CTNNA2: variants seen among roughly 807,000 people sequenced by gnomAD.
CTNNA2 encodes the protein catenin alpha 2, also known as catenin alpha-2.
CTNNA2 carries 42 observed loss-of-function variants against 101.0 expected under a neutral mutation model. The observed-to-expected ratio is 0.42, with a 90% confidence interval of 0.32 to 0.54. CTNNA2 has a LOEUF of 0.54. Ranked by LOEUF, CTNNA2 falls within the 20% of genes least tolerant of loss-of-function variation. The pLI, the probability that CTNNA2 is intolerant of heterozygous loss-of-function variation, is 0.14. For synonymous variants in CTNNA2, 450 were observed against 456.4 expected (o/e 0.99, Z 0.18); for missense variants, 871 against 1,223.1 (o/e 0.71, Z 4.29).
chr2:80,359,353 T>G (rs998837998), intron 7 of CTNNA2, among the ~76,000 whole-genome samples: 6 of 152,240 alleles, frequency 3.9e-5, no homozygotes, highest in Admixed American at 3.9e-4. Context: ...TCTACATTTA[T>G]GCCGATGATA....
intron 2 of CTNNA2, among the ~76,000 whole-genome samples, chr2:79,297,012 C>T (rs1368749129): frequency 6.6e-6 from 1 of 152,104 alleles, no homozygotes; most frequent in Non-Finnish European, 1.5e-5. Flanking sequence ...TCCTTTATTT[C>T]ATATCATTCA....
chr2:79,310,984 T>G, intron 2 of CTNNA2, among the ~76,000 whole-genome samples: 1 of 152,308 alleles, frequency 6.6e-6, no homozygotes, highest in Non-Finnish European at 1.5e-5. Flanking sequence ...ATCCTAAATT[T>G]TCATACTTGT....
intron 4 of CTNNA2, chr2:79,499,283 T>C (rs983966196): frequency 3.4e-4 from 52 of 151,932 alleles, no homozygotes; most frequent in African/African-American, 1.1e-3. Context: ...TCTTAAACAA[T>C]AAGAAAAAAA....
At chr2:80,299,558 C>T (rs1224775429) in intron 7 of CTNNA2, 8 of 152,196 alleles carry the variant, frequency 5.3e-5, no homozygotes, top group Non-Finnish European at 7.3e-5. Context: ...ATTGCAGATT[C>T]CTCTTTCCAA....
intron 9 of CTNNA2, among the ~76,000 whole-genome samples, chr2:80,447,312 A>G (rs968034376): frequency 6.6e-6 from 1 of 152,166 alleles, no homozygotes; most frequent in Non-Finnish European, 1.5e-5. Context: ...TAATGGGCGT[A>G]CATTTGGTCC....
chr2:79,739,599 C>A (rs540504621), intron 2 of CTNNA2, among the ~76,000 whole-genome samples: 3 of 152,174 alleles, frequency 2.0e-5, no homozygotes, highest in Non-Finnish European at 2.9e-5. Context: ...AGTTTTGTTA[C>A]ATGGATATAT....
At chr2:79,686,470 A>G (rs932728182) in intron 2 of CTNNA2, among the ~76,000 whole-genome samples, 13 of 152,272 alleles carry the variant, frequency 8.5e-5, no homozygotes, top group Admixed American at 6.5e-4. Context: ...AAAATACTTC[A>G]TTTAGTTAAT....
chr2:79,236,534 A>G (rs1674559730), intron 2 of CTNNA2, among the ~76,000 whole-genome samples: 1 of 152,192 alleles, frequency 6.6e-6, no homozygotes, highest in Admixed American at 6.5e-5. Flanking sequence ...ATTGCCACAT[A>G]TATTTGATTC....
intron 3 of CTNNA2, among the ~76,000 whole-genome samples, chr2:79,360,990 A>G (rs1677614984): frequency 6.6e-6 from 1 of 152,186 alleles, no homozygotes; most frequent in Non-Finnish European, 1.5e-5. Flanking sequence ...GATATAACTC[A>G]AGAAGGTGGG....
chr2:79,188,597 C>T (rs911627980), intron 1 of CTNNA2, among the ~76,000 whole-genome samples: 9 of 152,080 alleles, frequency 5.9e-5, no homozygotes, highest in Admixed American at 1.3e-4. Context: ...CAGAGAATAC[C>T]GTATTCTCAG....
intron 7 of CTNNA2, among the ~76,000 whole-genome samples, chr2:80,043,089 TTCTTTCTCTCTC>T (rs1179486179): frequency 0.11 from 3,413 of 31,374 alleles, 352 homozygotes; most frequent in East Asian, 0.18. Flanking sequence ...CTTTCTTTCT[TTCTTTCTCTCTC>T]TCTCTCTCTC....
At chr2:80,519,835 C>T (rs911464457) in intron 9 of CTNNA2, among the ~76,000 whole-genome samples, 4 of 152,168 alleles carry the variant, frequency 2.6e-5, no homozygotes, top group Admixed American at 2.6e-4. Context: ...CTCAGCTGCT[C>T]ATCAGATGCA....
Position 79,909,293 on chromosome 2 carries a change from C to T in CTNNA2, c.853-301C>T, listed in dbSNP as rs116399516. Among the ~76,000 whole-genome samples the T allele has an allele frequency of 3.6e-3, 554 of 152,260 alleles. 6 individuals carry two copies. The highest frequency in any genetic ancestry group is 0.013 in the African/African-American group (537 of 41,554). ...TGAAATGTTCTTTCCTTAAAGGCTA[C>T]GTATTTTAAAAATGCCAAAAAAGTG... is the stretch of plus-strand genomic sequence containing the variant. On this transcript the variant is annotated intron_variant, in intron 6 of 18. Coordinates refer to ENST00000402739, the MANE Select transcript of CTNNA2 (RefSeq NM_001282597.3).
intron 7 of CTNNA2, among the ~76,000 whole-genome samples, chr2:80,207,227 C>G (rs1482368809): frequency 6.6e-6 from 1 of 152,106 alleles, no homozygotes; most frequent in Non-Finnish European, 1.5e-5. Context: ...AGATTAATTA[C>G]AGATGTATTG....
At chr2:80,102,544 G>T (rs1700606945) in intron 7 of CTNNA2, among the ~76,000 whole-genome samples, 1 of 152,052 alleles carries the variant, frequency 6.6e-6, no homozygotes, top group South Asian at 2.1e-4. Context: ...GAGTCTTCTT[G>T]CTCTATTACC....
intron 7 of CTNNA2, among the ~76,000 whole-genome samples, chr2:80,212,993 A>G (rs1441336295): frequency 6.6e-6 from 1 of 151,790 alleles, no homozygotes; most frequent in South Asian, 2.1e-4. Flanking sequence ...TTTCTAGTTT[A>G]TTTGCACAGA....
chr2:79,473,521 A>G (rs1671023060), intron 4 of CTNNA2, among the ~76,000 whole-genome samples: 1 of 152,150 alleles, frequency 6.6e-6, no homozygotes, highest in Non-Finnish European at 1.5e-5. Flanking sequence ...GAAAAAATGT[A>G]CATTACATGC....
At chr2:80,039,714 C>T (rs1695910722) in intron 7 of CTNNA2, among the ~76,000 whole-genome samples, 1 of 152,180 alleles carries the variant, frequency 6.6e-6, no homozygotes, top group Non-Finnish European at 1.5e-5. Context: ...TGTTCATTGG[C>T]TTCTGTTGCT....
chr2:79,359,495 G>A (rs1677578668), intron 3 of CTNNA2, among the ~76,000 whole-genome samples: 1 of 152,046 alleles, frequency 6.6e-6, no homozygotes. Context: ...CCATAAATGT[G>A]TCCTATGATT....
Sources: gnomAD v4.1 joint callset for allele counts (sites outside exome capture counted in the v4.1 genomes callset) on GRCh38, gnomAD v4.1.1 for gene constraint, MANE v1.5 for transcripts, NCBI Gene and HGNC (gene_info 2026-07-23, HGNC 2026-07-21) for gene names.